The following RAB3C variants were observed in gnomAD, a reference collection of about 807,000 sequenced individuals.
RAB3C encodes the protein ras-related protein Rab-3C.
In RAB3C, 17 loss-of-function variants were observed where a neutral mutation model predicts 26.4. The observed-to-expected ratio is 0.64, with a 90% CI of 0.44 to 0.97. The LOEUF is 0.97. Among genes scored for constraint, RAB3C ranks in the 50% least tolerant of loss-of-function variants. The probability of loss-of-function intolerance (pLI) is 0.00; values close to 1 mark genes in which losing one functional copy is unlikely to be tolerated. For missense variants in RAB3C, 242 were observed against 281.9 expected (o/e 0.86, Z 1.01); for synonymous variants, 91 against 95.9 (o/e 0.95, Z 0.30).
At chr5:58,731,688 G>A (rs993750485) in intron 3 of RAB3C, among the ~76,000 whole-genome samples, 1 of 152,152 alleles carries the variant, frequency 6.6e-6, no homozygotes, top group Non-Finnish European at 1.5e-5. Context: ...CTTCAGAGGT[G>A]CTTTATGAAT....
chr5:58,837,613 C>T (rs1231483459), intron 4 of RAB3C, among the ~76,000 whole-genome samples: 1 of 140,956 alleles, frequency 7.1e-6, no homozygotes, highest in Non-Finnish European at 1.5e-5. Flanking sequence ...GGCTGGAGTG[C>T]AGTGGCACAA....
chr5:58,618,430 T>C (rs1746869814), intron 2 of RAB3C, among the ~76,000 whole-genome samples: 1 of 152,196 alleles, frequency 6.6e-6, no homozygotes, highest in Admixed American at 6.5e-5. Context: ...TGTTTATATA[T>C]GCAAATAAAA....
At chr5:58,633,880 C>G (rs890429970) in intron 2 of RAB3C, among the ~76,000 whole-genome samples, 1 of 152,044 alleles carries the variant, frequency 6.6e-6, no homozygotes, top group Non-Finnish European at 1.5e-5. Context: ...CGCCTATAAT[C>G]CCAGCACTTT....
At chr5:58,694,504 A>G (rs1244614388) in intron 2 of RAB3C, among the ~76,000 whole-genome samples, 1 of 152,136 alleles carries the variant, frequency 6.6e-6, no homozygotes, top group East Asian at 1.9e-4. Flanking sequence ...TTGAGGAATC[A>G]CCACACTGTC....
At chr5:58,725,533 G>A (rs1371879829) in intron 2 of RAB3C, among the ~76,000 whole-genome samples, 2 of 151,756 alleles carry the variant, frequency 1.3e-5, no homozygotes, top group Non-Finnish European at 2.9e-5. Flanking sequence ...CCTTGCTCCT[G>A]CTCAACTCTT....
intron 3 of RAB3C, among the ~76,000 whole-genome samples, chr5:58,732,722 G>C (rs893800469): frequency 8.5e-4 from 129 of 152,144 alleles, no homozygotes; most frequent in African/African-American, 2.8e-3. Context: ...GAGCTGGATA[G>C]GCAGTTTGAT....
chr5:58,773,559 A>G (rs1488592429), intron 3 of RAB3C, among the ~76,000 whole-genome samples: 1 of 152,152 alleles, frequency 6.6e-6, no homozygotes, highest in Non-Finnish European at 1.5e-5. Context: ...AGGAGTCAGA[A>G]GAGCTCTAAT....
chr5:58,844,327 A>G (rs1274116406), intron 4 of RAB3C, among the ~76,000 whole-genome samples: 1 of 152,202 alleles, frequency 6.6e-6, no homozygotes, highest in African/African-American at 2.4e-5. Context: ...CCATCTGGTC[A>G]TGCCTGGCTA....
chr5:58,812,271 C>A (rs1743108656), intron 3 of RAB3C, among the ~76,000 whole-genome samples: 1 of 152,066 alleles, frequency 6.6e-6, no homozygotes, highest in African/African-American at 2.4e-5. Context: ...TTGTATAAGC[C>A]TTCACTCCCA....
intron 4 of RAB3C, among the ~76,000 whole-genome samples, chr5:58,840,954 G>A (rs1013749981): frequency 6.6e-6 from 1 of 152,248 alleles, no homozygotes; most frequent in Non-Finnish European, 1.5e-5. Flanking sequence ...CCTGCCAGGA[G>A]TGGTCCGTGG....
chr5:58,821,376 TCG>T (rs1424725544), intron 3 of RAB3C, among the ~76,000 whole-genome samples: 2 of 152,242 alleles, frequency 1.3e-5, no homozygotes, highest in Non-Finnish European at 2.9e-5. Context: ...AGAAATCTGA[TCG>T]GATGTGAGAT....
At chr5:58,745,683 C>G (rs1304282136) in intron 3 of RAB3C, among the ~76,000 whole-genome samples, 1 of 152,208 alleles carries the variant, frequency 6.6e-6, no homozygotes, top group Non-Finnish European at 1.5e-5. Context: ...ATCTTTCCTT[C>G]TTTCTGATCT....
At chr5:58,659,359 C>A (rs535893652) in intron 2 of RAB3C, among the ~76,000 whole-genome samples, 4 of 152,188 alleles carry the variant, frequency 2.6e-5, no homozygotes, top group Admixed American at 2.6e-4. Context: ...TTCTTTGGTT[C>A]CTTTGAGAAT....
At chr5:58,687,567 A>G (rs1748471155) in intron 2 of RAB3C, among the ~76,000 whole-genome samples, 1 of 152,150 alleles carries the variant, frequency 6.6e-6, no homozygotes, top group Non-Finnish European at 1.5e-5. Flanking sequence ...CTTAGGAACT[A>G]TTAATTATAT....
chr5:58,593,102 T>A (rs558891045), intron 1 of RAB3C, among the ~76,000 whole-genome samples: 8 of 152,274 alleles, frequency 5.3e-5, no homozygotes, highest in African/African-American at 1.2e-4. Flanking sequence ...CATTAAAAAA[T>A]TTTTCCTTTA....
chr5:58,698,555 G>T (rs1417389056), intron 2 of RAB3C, among the ~76,000 whole-genome samples: 1 of 152,134 alleles, frequency 6.6e-6, no homozygotes, highest in Non-Finnish European at 1.5e-5. Context: ...ATCACTTTCA[G>T]GTCCACAATC....
At chr5:58,735,577 T>C (rs551460820) in intron 3 of RAB3C, among the ~76,000 whole-genome samples, 1 of 152,288 alleles carries the variant, frequency 6.6e-6, no homozygotes, top group East Asian at 1.9e-4. Context: ...CCCCAAAGTG[T>C]CCACAAGATT....
intron 2 of RAB3C, among the ~76,000 whole-genome samples, chr5:58,624,502 G>A (rs1263627687): frequency 6.6e-6 from 1 of 152,146 alleles, no homozygotes; most frequent in East Asian, 1.9e-4. Context: ...GATACACAAT[G>A]TCTTTCTTAT....
chr5:58,762,827 T>C (rs1010590595), intron 3 of RAB3C, among the ~76,000 whole-genome samples: 1 of 152,246 alleles, frequency 6.6e-6, no homozygotes, highest in African/African-American at 2.4e-5. Context: ...AACTACAATA[T>C]GTTTTTTACT....
Sources: allele counts gnomAD v4.1 joint callset (sites outside exome capture counted in the v4.1 genomes callset), GRCh38; gene constraint gnomAD v4.1.1; transcripts MANE v1.5; gene names NCBI Gene and HGNC (gene_info 2026-07-23, HGNC 2026-07-21).